PSMB7: variants seen among roughly 807,000 people sequenced by gnomAD.
PSMB7 encodes proteasome 20S subunit beta 7.
In PSMB7, 5 loss-of-function variants were observed where a neutral mutation model predicts 28.1. The ratio of observed to expected loss-of-function variants is 0.18; its 90% CI spans 0.09 to 0.37. The LOEUF (loss-of-function observed/expected upper bound fraction) is 0.37, where lower values mean the gene tolerates loss of function less well. Among genes scored for constraint, PSMB7 ranks in the 10% least tolerant of loss-of-function variants. The pLI is 1.00. For synonymous variants in PSMB7, 122 were observed against 123.7 expected (o/e 0.99, Z 0.09); for missense variants, 275 against 346.2 (o/e 0.79, Z 1.63).
chr9:124,370,448 C>A (rs1054164406), intron 6 of PSMB7, among the ~76,000 whole-genome samples: 3 of 151,890 alleles, frequency 2.0e-5, no homozygotes, highest in Non-Finnish European at 4.4e-5. Context: ...TTAAGAATCG[C>A]CAGTCCCTTC....
chr9:124,387,967 C>A (rs537064582), intron 5 of PSMB7, among the ~76,000 whole-genome samples: 70 of 152,178 alleles, frequency 4.6e-4, no homozygotes, highest in African/African-American at 1.6e-3. Flanking sequence ...AGATACTGGT[C>A]CAACATCCAA....
chr9:124,376,031 G>C (rs933153320), intron 6 of PSMB7, among the ~76,000 whole-genome samples: 1 of 152,212 alleles, frequency 6.6e-6, no homozygotes, highest in African/African-American at 2.4e-5. Flanking sequence ...CCTGAGCTCA[G>C]AGTCGCACAG....
intron 6 of PSMB7, among the ~76,000 whole-genome samples, chr9:124,365,841 G>C (rs1287986636): frequency 6.6e-6 from 1 of 152,144 alleles, no homozygotes; most frequent in East Asian, 1.9e-4. Context: ...CTTGAGCCTG[G>C]GAGGTTCAGG....
chr9:124,379,311 T>C (rs1347567758), intron 6 of PSMB7, among the ~76,000 whole-genome samples: 1 of 152,222 alleles, frequency 6.6e-6, no homozygotes, highest in Non-Finnish European at 1.5e-5. Context: ...TAACACCTTT[T>C]TATCCACCCA....
At chr9:124,355,645 C>T (rs961689159) in intron 7 of PSMB7, among the ~76,000 whole-genome samples, 8 of 152,226 alleles carry the variant, frequency 5.3e-5, no homozygotes, top group Admixed American at 2.6e-4. Flanking sequence ...TGAAAGGTGG[C>T]TTGCCTTCCT....
intron 6 of PSMB7, among the ~76,000 whole-genome samples, chr9:124,379,921 A>C (rs1166868261): frequency 6.6e-6 from 1 of 152,244 alleles, no homozygotes; most frequent in African/African-American, 2.4e-5. Flanking sequence ...GTCTCAAGGC[A>C]ACAGACACAT....
chr9:124,372,054 T>C (rs746890259), intron 6 of PSMB7, among the ~76,000 whole-genome samples: 13 of 152,244 alleles, frequency 8.5e-5, no homozygotes, highest in South Asian at 6.2e-4. Flanking sequence ...AGCAAAAACA[T>C]TGCATATTAC....
At chr9:124,378,092 C>T (rs1371422616) in intron 6 of PSMB7, among the ~76,000 whole-genome samples, 1 of 152,208 alleles carries the variant, frequency 6.6e-6, no homozygotes, top group East Asian at 1.9e-4. Flanking sequence ...AACTGTAGGG[C>T]ACAGCAGCTG....
At chr9:124,387,233 A>G (rs1373171546) in intron 5 of PSMB7, among the ~76,000 whole-genome samples, 2 of 152,144 alleles carry the variant, frequency 1.3e-5, no homozygotes, top group South Asian at 2.1e-4. Context: ...GCGACAGAGC[A>G]AGACTCTGTC....
At chr9:124,393,992 C>A (rs1830817764) in intron 5 of PSMB7, among the ~76,000 whole-genome samples, 1 of 152,230 alleles carries the variant, frequency 6.6e-6, no homozygotes, top group African/African-American at 2.4e-5. Flanking sequence ...ACACCCTGCC[C>A]TGCTGCCGCA....
At chr9:124,404,384 T>C (rs1005642265) in intron 5 of PSMB7, among the ~76,000 whole-genome samples, 1 of 152,244 alleles carries the variant, frequency 6.6e-6, no homozygotes, top group Non-Finnish European at 1.5e-5. Context: ...GTAACTATAG[T>C]ACAATATCAT....
intron 5 of PSMB7, among the ~76,000 whole-genome samples, chr9:124,404,085 T>A (rs1839137359): frequency 6.6e-6 from 1 of 151,922 alleles, no homozygotes; most frequent in Non-Finnish European, 1.5e-5. Context: ...AGACCGGGTC[T>A]TGCTATGTTG....
At chr9:124,414,429 G>C (rs2131184742) in intron 2 of PSMB7, among the ~76,000 whole-genome samples, 1 of 152,212 alleles carries the variant, frequency 6.6e-6, no homozygotes, top group Admixed American at 6.5e-5. Context: ...TTTAAGGCAG[G>C]AGTTATCTCC....
Position 124,412,491 on chromosome 9 carries a change from A to T in PSMB7, c.256T>A (p.Cys86Ser). ...KIHFISPNIY[C>S]CGAGTAADTD... Reference sequence around the variant, plus strand: ...TCTGCAGCTGTCCCAGCACCACAACAACTGAAAAATCCAATTAGAAACTTA... The same window carrying T: ...TCTGCAGCTGTCCCAGCACCACAACTACTGAAAAATCCAATTAGAAACTTA... Residue 86 changes from cysteine (C) to serine (S), a missense_variant and splice_region_variant, in exon 4 of 8, where the codon TGT becomes AGT. By Grantham distance (112) the Cys-to-Ser change is moderately radical. This residue lies in a region of PSMB7 where 213 missense variants were observed against 302.4 expected (regional missense o/e 0.70). Coordinates refer to ENST00000259457, the MANE Select transcript of PSMB7 (RefSeq NM_002799.4). The T allele has an allele frequency of 6.2e-7, 1 of 1,613,400 alleles. No homozygotes were observed. The highest frequency in any genetic ancestry group is 2.2e-5 in the East Asian group (1 of 44,852).
chr9:124,393,962 C>T (rs1830817499), intron 5 of PSMB7, among the ~76,000 whole-genome samples: 1 of 152,188 alleles, frequency 6.6e-6, no homozygotes, highest in African/African-American at 2.4e-5. Context: ...ACCGGGAAAC[C>T]GAAGCTGAGT....
chr9:124,404,905 C>A (rs1221014016), intron 5 of PSMB7, among the ~76,000 whole-genome samples: 2 of 151,994 alleles, frequency 1.3e-5, no homozygotes, highest in Non-Finnish European at 2.9e-5. Flanking sequence ...ATCATGTTAG[C>A]ACTCAAAAAC....
chr9:124,359,286 T>TC (rs938758778), intron 6 of PSMB7, among the ~76,000 whole-genome samples: 5 of 152,280 alleles, frequency 3.3e-5, no homozygotes, highest in African/African-American at 1.2e-4. Context: ...CCAGTCCCAC[T>TC]CCATGTCTCA....
intron 3 of PSMB7, 69 bp downstream of exon 3, chr9:124,413,839 C>T: frequency 1.8e-6 from 2 of 1,114,354 alleles, no homozygotes; most frequent in Non-Finnish European, 2.6e-6. Context: ...GTAAGGAGCA[C>T]AGGAAGGTCA....
At chr9:124,362,649 T>C (rs1830473688) in intron 6 of PSMB7, among the ~76,000 whole-genome samples, 1 of 152,148 alleles carries the variant, frequency 6.6e-6, no homozygotes, top group South Asian at 2.1e-4. Flanking sequence ...TCAAGAGATA[T>C]ATTGTACAAC....
Sources: allele counts gnomAD v4.1 joint callset (sites outside exome capture counted in the v4.1 genomes callset), GRCh38; gene constraint gnomAD v4.1.1; regional missense constraint gnomAD v4.1.1; transcripts MANE v1.5; gene names NCBI Gene and HGNC (gene_info 2026-07-23, HGNC 2026-07-21).